Variants in BTBD7 observed in about 807,000 individuals in gnomAD.
The protein encoded by BTBD7 is BTB/POZ domain-containing protein 7.
In BTBD7, 38 loss-of-function variants were observed where a neutral mutation model predicts 99.9. The observed-to-expected ratio is 0.38, with a 90% CI of 0.29 to 0.50. The LOEUF (loss-of-function observed/expected upper bound fraction) is 0.50. BTBD7 is among the 20% of genes least tolerant of loss of function. The pLI is 0.93. For synonymous variants in BTBD7, 520 were observed against 511.4 expected (o/e 1.02, Z -0.23); for missense variants, 1,170 against 1,394.6 (o/e 0.84, Z 2.57).
At chr14:93,276,863 C>T (rs11847734) in intron 3 of BTBD7, among the ~76,000 whole-genome samples, 2,067 of 148,682 alleles carry the variant, frequency 0.014, 54 homozygotes, top group African/African-American at 0.048. Flanking sequence ...GATTTCTCTT[C>T]AAGCCACGAC....
intron 1 of BTBD7, among the ~76,000 whole-genome samples, chr14:93,320,015 T>C (rs2053252464): frequency 2.0e-5 from 3 of 151,898 alleles, no homozygotes; most frequent in Admixed American, 1.3e-4. Flanking sequence ...ACTAGAAAAA[T>C]GTGGTCTCAA....
intron 3 of BTBD7, among the ~76,000 whole-genome samples, chr14:93,279,522 A>C (rs75353668): frequency 6.6e-6 from 1 of 152,016 alleles, no homozygotes; most frequent in Admixed American, 6.6e-5. Flanking sequence ...CTAACTGCCT[A>C]TTGGTACTTA....
Position 93,253,670 on chromosome 14 carries a change from A to G in BTBD7, c.1729T>C (p.Ser577Pro), listed in dbSNP as rs973839667. Residue 577 changes from serine (S) to proline (P), a missense_variant, in exon 7 of 11, where the codon TCT becomes CCT. Around this residue, in one of 4 missense-constraint regions of BTBD7, gnomAD observed 309 missense variants for 342.0 expected, o/e 0.90. Coordinates refer to ENST00000334746, the MANE Select transcript of BTBD7 (RefSeq NM_001002860.4). ...ACCTTTGCTTCTTCCACATAGGGAG[A>G]GAAGAGTCGAGGACGAACATAGATG... ...AGIYVRPRLF[S>P]PYVEEAKSVL... 1 of 1,610,664 alleles carries G rather than the reference A, an allele frequency of 6.2e-7. No homozygotes were observed.
chr14:93,323,199 G>A (rs1390025357), intron 1 of BTBD7, among the ~76,000 whole-genome samples: 2 of 152,080 alleles, frequency 1.3e-5, no homozygotes, highest in Admixed American at 6.6e-5. Context: ...CTTGAGCCCA[G>A]GAGTTTGGAA....
Position 93,294,369 on chromosome 14 carries a change from G to A in BTBD7, c.651C>T (p.Val217=), listed in dbSNP as rs142872848. The A allele has an allele frequency of 5.3e-5, 86 of 1,614,122 alleles. No homozygotes were observed. The highest frequency in any genetic ancestry group is 4.1e-4 in the African/African-American group (31 of 75,040). ...CTTCACTAAGCTGAACAAGGATATC[G>A]ACATTTTGAAACCTTGAGTCCTCCA... ...FGMEDSRFQN[V]DILVQLSEEF... The change falls in exon 3 of 11, where the codon GTC becomes GTT. Residue 217 remains valine (V), a synonymous_variant. Transcript: ENST00000334746.
chr14:93,278,990 A>G (rs1480843835), intron 3 of BTBD7, among the ~76,000 whole-genome samples: 1 of 152,230 alleles, frequency 6.6e-6, no homozygotes, highest in Non-Finnish European at 1.5e-5. Context: ...GAATACACAG[A>G]GCATAAAACT....
chr14:93,246,150 G>A lies in BTBD7; in HGVS notation c.2258C>T (p.Ala753Val). 6.2e-7 allele frequency: 1 copy of A among 1,614,026 alleles called. No individual in the cohort carries two copies. ...TMFTDLDSFV[A>V]FHPPLPPPPP... ...TGGAGGGGGCAAGGGTGGATGGAAG[G>A]CCACAAAAGAGTCCAGATCTGTAAA... Residue 753 changes from alanine (A) to valine (V), a missense_variant, in exon 10 of 11, where the codon GCC becomes GTC. Transcript: ENST00000334746.
In BTBD7 at chr14:93,242,631, T is replaced by G; in HGVS notation, c.3041A>C (p.Asp1014Ala). The G allele has an allele frequency of 6.2e-7, 1 of 1,614,158 alleles. No homozygotes were observed. The highest frequency in any genetic ancestry group is 1.1e-5 in the South Asian group (1 of 91,082). ...ATTCTTTTGTCTGTGTAGATGCCCG[T>G]CAGGGGAAAGTGGATATTCTCTCCT... is the stretch of plus-strand genomic sequence containing the variant. ...EARREYPLSP[D>A]GHLHRQKNEP... The change falls in exon 11 of 11, where the codon GAC becomes GCC. Residue 1014 changes from aspartate (D) to alanine (A), a missense_variant. Asp to Ala is a moderately radical substitution (Grantham distance 126, BLOSUM62 -2). Around this residue, in one of 4 missense-constraint regions of BTBD7, gnomAD observed 495 missense variants for 525.9 expected, o/e 0.94. Coordinates refer to ENST00000334746, the MANE Select transcript of BTBD7 (RefSeq NM_001002860.4).
At chr14:93,307,024 G>A (rs2053077914) in intron 1 of BTBD7, among the ~76,000 whole-genome samples, 1 of 152,122 alleles carries the variant, frequency 6.6e-6, no homozygotes, top group Non-Finnish European at 1.5e-5. Context: ...CTTCTATGTA[G>A]TAATCATTAT....
Position 93,294,648 on chromosome 14 carries a change from T to C in BTBD7, c.372A>G (p.Glu124=). The C allele has an allele frequency of 6.2e-7, 1 of 1,614,166 alleles. No homozygotes were observed. The highest frequency in any genetic ancestry group is 8.5e-7 in the Non-Finnish European group (1 of 1,180,046). ...CCATATCTTTCTGCAATGTCCGGGC[T>C]TCTGGTCTAGCCAAACTGGCTTGTA... ...LSLQASLARP[E]ARTLQKDMAD... The change falls in exon 3 of 11, where the codon GAA becomes GAG. Residue 124 remains glutamate (E), a synonymous_variant. Coordinates refer to ENST00000334746, the MANE Select transcript of BTBD7 (RefSeq NM_001002860.4).
chr14:93,297,102 G>C (rs1342512658), intron 1 of BTBD7, among the ~76,000 whole-genome samples: 1 of 152,190 alleles, frequency 6.6e-6, no homozygotes, highest in Admixed American at 6.5e-5. Flanking sequence ...TAAGAAACCA[G>C]TAGGCAGTTA....
intron 3 of BTBD7, among the ~76,000 whole-genome samples, chr14:93,286,719 C>A (rs2052782432): frequency 6.6e-6 from 1 of 152,184 alleles, no homozygotes; most frequent in Non-Finnish European, 1.5e-5. Context: ...ACTTCCAAAC[C>A]TGGGAAAAGG....
chr14:93,263,209 T>C lies in BTBD7; in HGVS notation c.1371+576A>G, dbSNP rs180908474. Among the ~76,000 whole-genome samples, 10 of 152,348 alleles carry C rather than the reference T, an allele frequency of 6.6e-5. No homozygotes were observed. In the East Asian group the frequency reaches 1.9e-3, roughly 29 times the overall value. ...CTTTGCCTGTAAGTATTTTCTGTAA[T>C]GTATAAAATCTATTATTAATGTAAA... is the stretch of plus-strand genomic sequence containing the variant. On this transcript the variant is annotated intron_variant, in intron 4 of 10. Transcript: ENST00000334746.
rs759699623 is a variant in BTBD7 at position 93,248,699 on chromosome 14, C to T, written c.1943-45G>A. 3.3e-6 allele frequency: 5 copies of T among 1,508,452 alleles called. No homozygotes were observed. In the South Asian group the frequency reaches 3.7e-5, roughly 11 times the overall value. The allele number at this position is 1,508,452 out of a possible 1,614,324, so 93.4% of individuals were successfully genotyped here. On this transcript the variant is annotated intron_variant, in intron 8 of 10. Coordinates refer to ENST00000334746, the MANE Select transcript of BTBD7 (RefSeq NM_001002860.4). The stretch of plus-strand genomic sequence containing the variant: ...GGGCAAGCAAAATTCCTGAGCTACA[C>T]AAAAGACGACCCCGTGAGCCCAAGG...
chr14:93,305,926 C>T (rs1028350284), intron 1 of BTBD7, among the ~76,000 whole-genome samples: 2 of 152,178 alleles, frequency 1.3e-5, no homozygotes, highest in African/African-American at 4.8e-5. Context: ...CTCTCTTCCT[C>T]TTATAAAGCC....
intron 4 of BTBD7, among the ~76,000 whole-genome samples, chr14:93,263,510 G>A (rs1156242779): frequency 1.3e-5 from 2 of 152,214 alleles, no homozygotes; most frequent in African/African-American, 4.8e-5. Flanking sequence ...ATGTTGGGAT[G>A]TGCTTCTGAC....
intron 4 of BTBD7, among the ~76,000 whole-genome samples, chr14:93,262,634 C>G (rs527515260): frequency 6.6e-6 from 1 of 152,278 alleles, no homozygotes; most frequent in East Asian, 1.9e-4. Flanking sequence ...ACAGGAAAAA[C>G]AAGTCAGTCA....
At chr14:93,332,672 G>GCCCGGCGC in intron 1 of BTBD7, 148 bp downstream of exon 1, 1 of 1,189,014 alleles carries the variant, frequency 8.4e-7, no homozygotes, top group Non-Finnish European at 1.1e-6. Flanking sequence ...GCCCCTCCCC[G>GCCCGGCGC]CCCGGCGCCC....
intron 9 of BTBD7, among the ~76,000 whole-genome samples, chr14:93,247,862 G>T (rs889802611): frequency 2.6e-5 from 4 of 152,170 alleles, no homozygotes; most frequent in South Asian, 4.2e-4. Flanking sequence ...TTCCTGGTAG[G>T]TTAAAAAAGA....
Sources: allele counts gnomAD v4.1 joint callset (sites outside exome capture counted in the v4.1 genomes callset), GRCh38; gene constraint gnomAD v4.1.1; regional missense constraint gnomAD v4.1.1; transcripts MANE v1.5; gene names NCBI Gene and HGNC (gene_info 2026-07-23, HGNC 2026-07-21).